Variants in PDE1A observed in about 807,000 individuals in gnomAD.
The protein encoded by PDE1A is phosphodiesterase 1A.
In PDE1A, 35 loss-of-function variants were observed where a neutral mutation model predicts 61.7. That is an observed-to-expected ratio of 0.57 (90% confidence interval 0.43 to 0.75). The LOEUF (loss-of-function observed/expected upper bound fraction) is 0.75, where lower values mean the gene tolerates loss of function less well. Among genes scored for constraint, PDE1A ranks in the 30% least tolerant of loss-of-function variants. The probability of loss-of-function intolerance (pLI) is 0.00; values close to 1 mark genes in which losing one functional copy is unlikely to be tolerated. For synonymous variants in PDE1A, 232 were observed against 213.2 expected (o/e 1.09, Z -0.77); for missense variants, 597 against 630.6 (o/e 0.95, Z 0.57).
rs570481692 is a variant in PDE1A, at chr2:182,517,187, C to T, written c.101+5089G>A. 3.9e-5 allele frequency among the ~76,000 whole-genome samples: 6 copies of T among 152,268 alleles called. No homozygotes were observed. The South Asian group carries it at 1.0e-3, about 26-fold the overall frequency. On this transcript the variant is annotated intron_variant, in intron 2 of 14. Coordinates refer to the PDE1A transcript ENST00000410103. ...AGAGCTAGGTATATCTATGTTTAAA[C>T]CCATGTTCTACCAGATACTAGCTGC... is the stretch of plus-strand genomic sequence containing the variant.
the PDE1A span, among the ~76,000 whole-genome samples, chr2:182,550,466 T>C: frequency 6.6e-6 from 1 of 152,150 alleles, no homozygotes. Flanking sequence ...GCCAGACTCT[T>C]TGTTAGCCTT....
chr2:182,476,566 T>C lies in PDE1A; in HGVS notation c.101+45710A>G, dbSNP rs1051599421. On this transcript the variant is annotated intron_variant, in intron 2 of 14. Coordinates refer to the PDE1A transcript ENST00000410103. Reference sequence around the variant, plus strand: ...TTCATAATGCACACATTATTTTGATTAATAGACAGTACACTGCTTTGCTGA... The same window carrying C: ...TTCATAATGCACACATTATTTTGATCAATAGACAGTACACTGCTTTGCTGA... Among the ~76,000 whole-genome samples the C allele has an allele frequency of 6.6e-5, 10 of 152,064 alleles. No individual in the cohort carries two copies. The East Asian group carries it at 1.9e-3, about 30-fold the overall frequency.
At chr2:182,464,256 GACTTT>G (rs1397033423) in intron 2 of PDE1A, among the ~76,000 whole-genome samples, 1 of 152,042 alleles carries the variant, frequency 6.6e-6, no homozygotes, top group Non-Finnish European at 1.5e-5. Flanking sequence ...TGGTAAGAAA[GACTTT>G]ACTTAGGACC....
intron 1 of PDE1A, among the ~76,000 whole-genome samples, chr2:182,378,194 T>A (rs919850824): frequency 6.6e-6 from 1 of 152,182 alleles, no homozygotes; most frequent in African/African-American, 2.4e-5. Flanking sequence ...ACAACATGAA[T>A]TATCTCAAAA....
the PDE1A span, among the ~76,000 whole-genome samples, chr2:182,699,766 G>A: frequency 6.6e-6 from 1 of 152,172 alleles, no homozygotes; most frequent in Non-Finnish European, 1.5e-5. Flanking sequence ...TGCTTACTGT[G>A]TACCAGGCTT....
chr2:182,633,543 G>A, the PDE1A span, among the ~76,000 whole-genome samples: 57 of 152,252 alleles, frequency 3.7e-4, no homozygotes, highest in African/African-American at 1.3e-3. Context: ...GGAAACCATG[G>A]GGAAGGAGGA....
intron 11 of PDE1A, among the ~76,000 whole-genome samples, chr2:182,186,985 TC>T (rs1186073808): frequency 6.6e-6 from 1 of 152,238 alleles, no homozygotes; most frequent in African/African-American, 2.4e-5. Flanking sequence ...TGGATTTTAT[TC>T]TTTACTAACA....
At chr2:182,184,945 T>C (rs1322835623) in intron 13 of PDE1A, among the ~76,000 whole-genome samples, 1 of 152,116 alleles carries the variant, frequency 6.6e-6, no homozygotes, top group African/African-American at 2.4e-5. Flanking sequence ...CCATGAAAAA[T>C]GTATTGGAAT....
chr2:182,426,863 T>G (rs1703656090), exon 1 of PDE1A: 5 of 1,324,024 alleles, frequency 3.8e-6, no homozygotes, highest in Middle Eastern at 2.8e-4. Flanking sequence ...CAGAGCAGGG[T>G]GTGCAAAAAC....
At chr2:182,684,551 C>T in the PDE1A span, among the ~76,000 whole-genome samples, 2 of 151,998 alleles carry the variant, frequency 1.3e-5, no homozygotes, top group African/African-American at 2.4e-5. Flanking sequence ...AGATGCAAAA[C>T]ATATAATTTT....
At chr2:182,320,110 A>C (rs1696605949) in intron 1 of PDE1A, among the ~76,000 whole-genome samples, 1 of 152,200 alleles carries the variant, frequency 6.6e-6, no homozygotes, top group Admixed American at 6.6e-5. Flanking sequence ...AAGACTGGAC[A>C]AATACAATAA....
intron 6 of PDE1A, among the ~76,000 whole-genome samples, chr2:182,226,096 A>G (rs1381039802): frequency 6.7e-5 from 10 of 149,696 alleles, no homozygotes; most frequent in Admixed American, 5.9e-4. Context: ...AAGAAAATGG[A>G]AAAAAACCAC....
the PDE1A span, among the ~76,000 whole-genome samples, chr2:182,675,382 T>C: frequency 6.6e-6 from 1 of 152,190 alleles, no homozygotes; most frequent in Non-Finnish European, 1.5e-5. Context: ...GTTGATTCCA[T>C]GTCTTTCCTA....
chr2:182,292,199 G>C (rs1694581836), intron 1 of PDE1A, among the ~76,000 whole-genome samples: 1 of 151,500 alleles, frequency 6.6e-6, no homozygotes, highest in South Asian at 2.1e-4. Context: ...AAGACCAGAG[G>C]CTCTCTCTCT....
chr2:182,254,201 T>C (rs1363984216), intron 2 of PDE1A, among the ~76,000 whole-genome samples: 2 of 152,034 alleles, frequency 1.3e-5, no homozygotes, highest in Non-Finnish European at 2.9e-5. Flanking sequence ...TTGTAGAAAG[T>C]AACACACCAC....
chr2:182,568,667 A>AAAAT, the PDE1A span, among the ~76,000 whole-genome samples: 14 of 152,174 alleles, frequency 9.2e-5, no homozygotes, highest in Admixed American at 7.2e-4. Context: ...GCCGTCTCAA[A>AAAAT]AAATAAATAA....
At chr2:182,178,071 T>C (rs538713039) in intron 13 of PDE1A, among the ~76,000 whole-genome samples, 2 of 152,210 alleles carry the variant, frequency 1.3e-5, no homozygotes, top group African/African-American at 4.8e-5. Flanking sequence ...CAGTGAATCA[T>C]TAGCTGATCT....
At chr2:182,192,887 A>G (rs1035664677) in intron 10 of PDE1A, among the ~76,000 whole-genome samples, 1 of 152,146 alleles carries the variant, frequency 6.6e-6, no homozygotes, top group African/African-American at 2.4e-5. Context: ...AGCCATTAAT[A>G]AGGTATGAAA....
chr2:182,367,538 T>C (rs10497596), intron 1 of PDE1A, among the ~76,000 whole-genome samples: 3,698 of 152,138 alleles, frequency 0.024, 135 homozygotes, highest in African/African-American at 0.083. Context: ...AAATGTCTAG[T>C]GGAACAAAAG....
Sources: gnomAD v4.1 joint callset for allele counts (sites outside exome capture counted in the v4.1 genomes callset) on GRCh38, gnomAD v4.1.1 for gene constraint, MANE v1.5 for transcripts, NCBI Gene and HGNC (gene_info 2026-07-23, HGNC 2026-07-21) for gene names.